The following TTF1 variants were observed in gnomAD, a reference collection of about 807,000 sequenced individuals.
TTF1 encodes transcription termination factor, RNA polymerase I.
TTF1 carries 64 observed loss-of-function variants against 80.2 expected under a neutral mutation model. The ratio of observed to expected loss-of-function variants is 0.80; its 90% confidence interval spans 0.65 to 0.98. The LOEUF is 0.98. Among genes scored for constraint, TTF1 ranks in the 50% least tolerant of loss-of-function variants. The pLI is 0.00. For missense variants in TTF1, 1,023 were observed against 1,086.2 expected (o/e 0.94, Z 0.82); for synonymous variants, 372 against 382.7 (o/e 0.97, Z 0.33).
Position 132,401,536 on chromosome 9 carries a change from A to G in TTF1, c.1286T>C (p.Met429Thr). Residue 429 changes from methionine (M) to threonine (T), a missense_variant, in exon 2 of 11, where the codon ATG becomes ACG. By Grantham distance (81) the Met-to-Thr change is moderately conservative. Coordinates refer to ENST00000334270, the MANE Select transcript of TTF1 (RefSeq NM_007344.4). ...FDSVEGDGAMMEEGVKSRPRQ... is the reference protein window; with the variant it reads ...FDSVEGDGAMTEEGVKSRPRQ... Reference sequence around the variant, plus strand: ...GGGCCTAGATTTCACACCTTCTTCCATCATGGCGCCATCACCTTCTACTGA... The same window carrying G: ...GGGCCTAGATTTCACACCTTCTTCCGTCATGGCGCCATCACCTTCTACTGA... 1 of 1,614,060 alleles carries G rather than the reference A, an allele frequency of 6.2e-7. No homozygotes were observed.
chr9:132,398,667 C>T (rs1256992473), intron 3 of TTF1, among the ~76,000 whole-genome samples: 2 of 152,102 alleles, frequency 1.3e-5, no homozygotes, highest in African/African-American at 4.8e-5. Flanking sequence ...TGATCAAAGT[C>T]CACTGCAACC....
intron 6 of TTF1, among the ~76,000 whole-genome samples, chr9:132,391,828 C>T (rs189943310): frequency 3.0e-4 from 45 of 152,320 alleles, no homozygotes; most frequent in African/African-American, 9.9e-4. Flanking sequence ...TCCTGGTCCA[C>T]TTGGCAGTTA....
At chr9:132,379,782 G>A (rs1849335635) in intron 9 of TTF1, among the ~76,000 whole-genome samples, 1 of 152,152 alleles carries the variant, frequency 6.6e-6, no homozygotes, top group African/African-American at 2.4e-5. Context: ...GTTTTGGTAC[G>A]TTTTCAATTT....
intron 9 of TTF1, among the ~76,000 whole-genome samples, chr9:132,379,993 C>T (rs1476894132): frequency 1.3e-5 from 2 of 152,140 alleles, no homozygotes; most frequent in African/African-American, 4.8e-5. Flanking sequence ...TGATCAGATT[C>T]TTCCGACCTC....
At chr9:132,385,013 ATCAAACTGAACAG>A (rs1463873604) in intron 9 of TTF1, among the ~76,000 whole-genome samples, 2 of 152,222 alleles carry the variant, frequency 1.3e-5, no homozygotes, top group Non-Finnish European at 2.9e-5. Context: ...AAACAGCAAA[ATCAAACTGAACAG>A]TCAAGTCCTT....
At chr9:132,401,042 T>C (rs1488352342) in intron 2 of TTF1, among the ~76,000 whole-genome samples, 2 of 152,158 alleles carry the variant, frequency 1.3e-5, no homozygotes, top group African/African-American at 4.8e-5. Flanking sequence ...AATATGTATG[T>C]GCTAAGGGTA....
chr9:132,390,468 G>A, intron 7 of TTF1, 129 bp downstream of exon 7: 1 of 791,188 alleles, frequency 1.3e-6, no homozygotes, highest in Admixed American at 2.6e-5. Context: ...GGAAGCAGCT[G>A]GGGCAGCAGA....
intron 3 of TTF1, among the ~76,000 whole-genome samples, 182 bp downstream of exon 3, chr9:132,399,853 A>G (rs764487012): frequency 3.3e-5 from 5 of 152,206 alleles, no homozygotes; most frequent in Non-Finnish European, 5.9e-5. Flanking sequence ...CAAGAAGAGG[A>G]AAAGCAAGTG....
intron 9 of TTF1, 65 bp from the exon 10 acceptor site, chr9:132,379,209 G>A (rs1849323562): frequency 1.7e-6 from 2 of 1,185,048 alleles, no homozygotes; most frequent in African/African-American, 1.5e-5. Flanking sequence ...TCAATACAGT[G>A]TAGTAAGTAC....
rs1248909811 is a variant in TTF1 at position 132,402,727 on chromosome 9, T to C, written c.95A>G (p.His32Arg). ...CSIHKERPQK[H>R]SHEIFRDSSL... Reference sequence around the variant, plus strand: ...GGAGTCTCTGAAAATTTCGTGGGAATGTTTCTGAGGTCTTTCCTTATGTAT... The same window carrying C: ...GGAGTCTCTGAAAATTTCGTGGGAACGTTTCTGAGGTCTTTCCTTATGTAT... The change falls in exon 2 of 11, where the codon CAT (histidine) becomes CGT (arginine). Residue 32 changes from histidine to arginine, a missense_variant. Physicochemically the swap from His to Arg is conservative, Grantham distance 29. Coordinates refer to ENST00000334270, the MANE Select transcript of TTF1 (RefSeq NM_007344.4). The C allele has an allele frequency of 1.2e-6, 2 of 1,614,028 alleles. No homozygotes were observed. The highest frequency in any genetic ancestry group is 1.7e-5 in the Admixed American group (1 of 59,990).
In TTF1 at chr9:132,392,058, C is replaced by A; in HGVS notation, c.1987+18G>T. 1 of 1,613,470 alleles carries A rather than the reference C, an allele frequency of 6.2e-7. No homozygotes were observed. The highest frequency in any genetic ancestry group is 1.1e-5 in the South Asian group (1 of 91,050). Reference sequence around the variant, plus strand: ...GCTTATTTCTTCAGCGAGGTGGGCACTGGGGGCTGCCACTTACGACTGCTG... The same window carrying A: ...GCTTATTTCTTCAGCGAGGTGGGCAATGGGGGCTGCCACTTACGACTGCTG... On this transcript the variant is annotated intron_variant, in intron 6 of 10. Transcript: ENST00000334270.
chr9:132,399,268 T>C (rs1849715590), intron 3 of TTF1, among the ~76,000 whole-genome samples: 1 of 145,072 alleles, frequency 6.9e-6, no homozygotes, highest in African/African-American at 2.6e-5. Context: ...TTCAACACAA[T>C]ACACCAAAAT....
At position 132,378,638 on chromosome 9, in the gene TTF1, G is replaced by A. The variant is rs1310874370; in HGVS notation, c.2464+421C>T. 9.9e-3 allele frequency among the ~76,000 whole-genome samples: 1,237 copies of A among 125,092 alleles called. 66 individuals carry two copies. Among genetic ancestry groups the A allele is most frequent in the East Asian group, 0.094 (260 of 2,752 alleles). 82.1% of individuals were successfully genotyped at this position (125,092 alleles called of 152,430 possible). On this transcript the variant is annotated intron_variant, in intron 10 of 10. Transcript: ENST00000334270. ...GTGTGAGTGCATGTGGTTGGTGTGA[G>A]TGCATGTGGTGTGAGTGCATACGTG...
intron 5 of TTF1, among the ~76,000 whole-genome samples, chr9:132,395,072 G>A (rs1849623365): frequency 6.6e-6 from 1 of 151,738 alleles, no homozygotes; most frequent in Non-Finnish European, 1.5e-5. Flanking sequence ...GGTGCCTGTA[G>A]TCCCAGCTAC....
At chr9:132,400,835 G>T (rs1849748176) in intron 2 of TTF1, among the ~76,000 whole-genome samples, 1 of 152,078 alleles carries the variant, frequency 6.6e-6, no homozygotes, top group Non-Finnish European at 1.5e-5. Flanking sequence ...GGTAATTTGG[G>T]CTTTTATATT....
chr9:132,380,265 G>T (rs959704696), intron 9 of TTF1, among the ~76,000 whole-genome samples: 9 of 152,086 alleles, frequency 5.9e-5, no homozygotes, highest in African/African-American at 2.2e-4. Context: ...TTTTAGTAAA[G>T]ATAGGGCTTC....
chr9:132,390,299 C>G (rs1294340454), intron 7 of TTF1, among the ~76,000 whole-genome samples: 2 of 152,166 alleles, frequency 1.3e-5, no homozygotes, highest in African/African-American at 4.8e-5. Flanking sequence ...CTAATGCTGC[C>G]AACAGATTGC....
chr9:132,377,246 GGTGT>G (rs767229332), intron 10 of TTF1, among the ~76,000 whole-genome samples: 115 of 144,762 alleles, frequency 7.9e-4, no homozygotes, highest in Non-Finnish European at 1.4e-3. Flanking sequence ...GAGTGCATGT[GGTGT>G]GTGTGAGTGC....
intron 9 of TTF1, among the ~76,000 whole-genome samples, chr9:132,382,170 T>A (rs1486877872): frequency 6.6e-6 from 1 of 152,186 alleles, no homozygotes; most frequent in Non-Finnish European, 1.5e-5. Context: ...AAGAGCTATG[T>A]GCAGTGAAGG....
Sources: gnomAD v4.1 joint callset for allele counts (sites outside exome capture counted in the v4.1 genomes callset) on GRCh38, gnomAD v4.1.1 for gene constraint, MANE v1.5 for transcripts, NCBI Gene and HGNC (gene_info 2026-07-23, HGNC 2026-07-21) for gene names.